Variants in PCF11 observed in about 807,000 individuals in gnomAD.
PCF11 encodes the protein pre-mRNA cleavage complex 2 protein Pcf11.
In PCF11, 19 loss-of-function variants were observed where a neutral mutation model predicts 166.1. The observed-to-expected ratio is 0.11, with a 90% CI of 0.08 to 0.17. The LOEUF (loss-of-function observed/expected upper bound fraction) is 0.17. Among genes scored for constraint, PCF11 ranks in the 10% least tolerant of loss-of-function variants. The pLI is 1.00. For synonymous variants in PCF11, 663 were observed against 644.1 expected, an observed-to-expected ratio of 1.03 and a Z score of -0.44; for missense variants, 1,565 against 1,855.5, an observed-to-expected ratio of 0.84 and a Z score of 2.88.
chr11:83,178,422 TATC>T (rs1235907961), intron 11 of PCF11, among the ~76,000 whole-genome samples: 1 of 152,180 alleles, frequency 6.6e-6, no homozygotes, highest in African/African-American at 2.4e-5. Flanking sequence ...ATTTTCTGTG[TATC>T]ATCATTTTTT....
At chr11:83,180,957 G>C in intron 11 of PCF11, 51 bp from the exon 12 acceptor site, 3 of 1,028,910 alleles carry the variant, frequency 2.9e-6, no homozygotes, top group Non-Finnish European at 4.2e-6. Context: ...GGCTTTTAAA[G>C]GCCATTAAGC....
At chr11:83,163,694 A>C in exon 3 of PCF11, 4 of 1,532,992 alleles carry the variant, frequency 2.6e-6, no homozygotes, top group Non-Finnish European at 3.5e-6. Context: ...TGAAAATACT[A>C]GGAAAAGTTT....
At chr11:83,184,607 A>G (rs1861208026) in intron 15 of PCF11, 72 bp from the exon 16 acceptor site, 1 of 1,034,156 alleles carries the variant, frequency 9.7e-7, no homozygotes, top group Non-Finnish European at 1.5e-6. Context: ...CAAGGGTCTT[A>G]CAAGACTAAA....
chr11:83,171,395 G>T, intron 8 of PCF11: 1 of 411,348 alleles, frequency 2.4e-6, no homozygotes, highest in Non-Finnish European at 4.8e-6. Flanking sequence ...ACTAGCCCTT[G>T]TGATTGTGTA....
chr11:83,168,518 G>T, exon 8 of PCF11: 1 of 1,614,022 alleles, frequency 6.2e-7, no homozygotes, highest in South Asian at 1.1e-5. Context: ...TTTGTAGATA[G>T]TCCAGCATCA....
chr11:83,163,926 C>T (rs1292342511), intron 3 of PCF11, 59 bp downstream of exon 3: 6 of 788,918 alleles, frequency 7.6e-6, no homozygotes, highest in Non-Finnish European at 1.1e-5. Flanking sequence ...TTGAATTCTT[C>T]TGCAGAACTT....
Position 83,167,744 on chromosome 11 carries a change from T to C in PCF11, c.2092+239T>C. The C allele has an allele frequency of 2.7e-6, 4 of 1,460,696 alleles. No individual in the cohort carries two copies. The highest frequency in any genetic ancestry group is 3.6e-6 in the Non-Finnish European group (4 of 1,100,158). 90.5% of individuals were successfully genotyped at this position (1,460,696 alleles called of 1,614,324 possible). On this transcript the variant is annotated intron_variant, in intron 7 of 15. Coordinates refer to ENST00000298281, the Ensembl canonical transcript of PCF11. This position sits in a 1 kb window ranked among gnomAD's most constrained non-coding sequence, Gnocchi z 4.2. ...AATGTGAGCCATCCAAAAGTAAACATGCAAGTAGGAATAGTGGAGCACAGT... is the reference window on the plus strand; with the variant it reads ...AATGTGAGCCATCCAAAAGTAAACACGCAAGTAGGAATAGTGGAGCACAGT...
Position 83,161,110 on chromosome 11 carries a change from CTGT to C in PCF11, c.193-212_193-210del, listed in dbSNP as rs202223760. On this transcript the variant is annotated intron_variant, in intron 1 of 15. Coordinates refer to ENST00000298281, the Ensembl canonical transcript of PCF11. ...TAAATGAGTATATTAGGGATTACAG[CTGT>C]TGTTCATCCTGGTAATTCTGAGCTT... Among the ~76,000 whole-genome samples, 277 of 152,090 alleles carry C rather than the reference CTGT, an allele frequency of 1.8e-3. 3 individuals carry two copies. The highest frequency in any genetic ancestry group is 6.0e-3 in the African/African-American group (250 of 41,366).
rs375855460 is a variant in PCF11 at position 83,167,927 on chromosome 11, A to C, written c.2092+422A>C. On this transcript the variant is annotated intron_variant, in intron 7 of 15. Coordinates refer to ENST00000298281, the Ensembl canonical transcript of PCF11. The surrounding 1 kb of genome is among the most constrained non-coding windows in gnomAD (Gnocchi z 4.2). ...GAAAAAGTTAAATCAGATTATGCCT[A>C]TTGAATCACACAGCAGTGAAGGGAA... The C allele has an allele frequency of 7.8e-7, 1 of 1,275,408 alleles. No homozygotes were observed. The highest frequency in any genetic ancestry group is 1.0e-6 in the Non-Finnish European group (1 of 982,754). The allele number at this position is 1,275,408 out of a possible 1,614,324, so 79.0% of individuals were successfully genotyped here. A position where few individuals can be genotyped will look rare whatever the true frequency, so the allele number is the denominator to read the frequency against.
intron 9 of PCF11, among the ~76,000 whole-genome samples, chr11:83,174,069 A>G (rs1411542790): frequency 6.6e-6 from 1 of 152,134 alleles, no homozygotes; most frequent in East Asian, 1.9e-4. Context: ...GTGTATGTGT[A>G]CAGGACATAG....
chr11:83,168,156 A>AT (rs1425391833), intron 7 of PCF11, among the ~76,000 whole-genome samples: 2 of 152,242 alleles, frequency 1.3e-5, no homozygotes, highest in Non-Finnish European at 2.9e-5. Flanking sequence ...AATGAAGTGT[A>AT]TATTCTCCCT....
exon 8 of PCF11, chr11:83,168,795 A>C (rs1314688613): frequency 6.2e-7 from 1 of 1,613,228 alleles, no homozygotes. Context: ...GTCCTTTGAG[A>C]TTTGAAGGTC....
At chr11:83,157,916 C>T in intron 1 of PCF11, 1 of 403,230 alleles carries the variant, frequency 2.5e-6, no homozygotes, top group Non-Finnish European at 4.5e-6. Context: ...GAATAGAGCC[C>T]TTTGGGGTGG....
chr11:83,160,321 G>GTTTTTTTTTTTTTTTTT (rs35201107), intron 1 of PCF11, among the ~76,000 whole-genome samples: 7 of 91,268 alleles, frequency 7.7e-5, no homozygotes, highest in Non-Finnish European at 1.2e-4. Context: ...GATAACCTAA[G>GTTTTTTTTTTTTTTTTT]TTTTTTTTTT....
exon 16 of PCF11, chr11:83,184,834 G>A (rs190520178): frequency 2.0e-5 from 32 of 1,591,266 alleles, no homozygotes; most frequent in Non-Finnish European, 2.6e-5. Flanking sequence ...CTTGTACAGA[G>A]GAAAGCATAG....
intron 11 of PCF11, 133 bp from the exon 12 acceptor site, chr11:83,180,874 TG>T: frequency 1.9e-6 from 1 of 522,846 alleles, no homozygotes; most frequent in Non-Finnish European, 3.4e-6. Context: ...TACTGATCTT[TG>T]GGTATTAACT....
At chr11:83,160,321 GT>G (rs35201107) in intron 1 of PCF11, among the ~76,000 whole-genome samples, 2,549 of 91,166 alleles carry the variant, frequency 0.028, 39 homozygotes, top group African/African-American at 0.094. Context: ...GATAACCTAA[GT>G]TTTTTTTTTT....
rs1361945908 is a variant in PCF11 at position 83,184,724 on chromosome 11, G to GA, written c.4502dup (p.Asn1501LysfsTer19). ...ACCATCTCCCAGCAAGACACCAGTTGAAAACCCCTTGAATATTATGTTGAA... is the reference window on the plus strand; with the variant it reads ...ACCATCTCCCAGCAAGACACCAGTTGAAAAACCCCTTGAATATTATGTTGAA... On this transcript the variant is annotated frameshift_variant, in exon 16 of 16. Transcript: ENST00000298281. LOFTEE classifies it high-confidence loss of function. The GA allele has an allele frequency of 6.2e-7, 1 of 1,612,042 alleles. No individual in the cohort carries two copies. Among genetic ancestry groups the GA allele is most frequent in the Non-Finnish European group, 8.5e-7 (1 of 1,179,354 alleles).
At chr11:83,157,393 GGCTTCA>G in exon 1 of PCF11, 3 of 1,551,522 alleles carry the variant, frequency 1.9e-6, no homozygotes, top group Non-Finnish European at 2.6e-6. Context: ...TATCCAGAGC[GGCTTCA>G]GCTTCAGCTG....
Sources: gnomAD v4.1 joint callset for allele counts (sites outside exome capture counted in the v4.1 genomes callset) on GRCh38, gnomAD v4.1.1 for gene constraint, Gnocchi (gnomAD v3.1) non-coding constraint, MANE v1.5 for transcripts, NCBI Gene and HGNC (gene_info 2026-07-23, HGNC 2026-07-21) for gene names.